Variants in DCDC2 observed in about 807,000 individuals in gnomAD.
DCDC2 encodes the protein doublecortin domain-containing protein 2.
In DCDC2, 40 loss-of-function variants were observed where a neutral mutation model predicts 50.2. The observed-to-expected ratio is 0.80, with a 90% CI of 0.62 to 1.04. DCDC2 has a LOEUF of 1.04. Ranked by LOEUF, DCDC2 falls within the 50% of genes least tolerant of loss-of-function variation. The pLI is 0.00. For synonymous variants in DCDC2, 234 were observed against 210.6 expected, an observed-to-expected ratio of 1.11 and a Z score of -0.96; for missense variants, 570 against 581.9, an observed-to-expected ratio of 0.98 and a Z score of 0.21.
At chr6:24,212,763 T>C (rs1048534016) in intron 7 of DCDC2, among the ~76,000 whole-genome samples, 1 of 152,166 alleles carries the variant, frequency 6.6e-6, no homozygotes, top group African/African-American at 2.4e-5. Context: ...TAACAAACAC[T>C]CTAGTAAAAA....
In DCDC2 at chr6:24,316,992, TAG is replaced by T. The variant is rs71789198; in HGVS notation, c.349-14950_349-14949del. Among the ~76,000 whole-genome samples, 326 of 148,882 alleles carry T rather than the reference TAG, an allele frequency of 2.2e-3. 3 individuals carry two copies. Among genetic ancestry groups the T allele is most frequent in the South Asian group, 8.4e-4 (4 of 4,748 alleles). On this transcript the variant is annotated intron_variant, in intron 2 of 9. Transcript: ENST00000378454. Reference sequence around the variant, plus strand: ...ACATATGTGTATATACATATATATGTAGAGAGAGAGAGAGAGAGACAAATTTG... The same window carrying T: ...ACATATGTGTATATACATATATATGTAGAGAGAGAGAGAGAGACAAATTTG...
intron 7 of DCDC2, among the ~76,000 whole-genome samples, chr6:24,244,477 C>G (rs1762629236): frequency 6.6e-6 from 1 of 152,200 alleles, no homozygotes; most frequent in Non-Finnish European, 1.5e-5. Flanking sequence ...CCTCTGGGGC[C>G]TAAGACTCTC....
chr6:24,179,982 G>T (rs1383331170), intron 8 of DCDC2, among the ~76,000 whole-genome samples: 5 of 146,214 alleles, frequency 3.4e-5, no homozygotes, highest in Admixed American at 3.4e-4. Flanking sequence ...CAAGGGGTGG[G>T]GGAGGGAACA....
intron 7 of DCDC2, among the ~76,000 whole-genome samples, chr6:24,207,345 TATA>T (rs1490338521): frequency 6.6e-6 from 1 of 151,410 alleles, no homozygotes; most frequent in Non-Finnish European, 1.5e-5. Context: ...TTATTGTACA[TATA>T]ATTTTTAAAA....
chr6:24,295,673 C>A (rs142702531), intron 4 of DCDC2, among the ~76,000 whole-genome samples: 48 of 152,216 alleles, frequency 3.2e-4, no homozygotes, highest in African/African-American at 1.1e-3. Context: ...TCCTATACTC[C>A]AACAACACCC....
chr6:24,338,377 T>C (rs950167393), intron 2 of DCDC2, among the ~76,000 whole-genome samples: 3 of 152,164 alleles, frequency 2.0e-5, no homozygotes, highest in Non-Finnish European at 2.9e-5. Context: ...CTGTATTCCC[T>C]GTCTTCACGA....
At chr6:24,301,603 G>A in intron 4 of DCDC2, 112 bp downstream of exon 4, 4 of 1,229,784 alleles carry the variant, frequency 3.3e-6, no homozygotes, top group East Asian at 4.7e-5. Flanking sequence ...AGGCATACGG[G>A]GCCTAACTGG....
intron 7 of DCDC2, among the ~76,000 whole-genome samples, chr6:24,215,252 T>C (rs1761949847): frequency 6.6e-6 from 1 of 152,192 alleles, no homozygotes; most frequent in Non-Finnish European, 1.5e-5. Flanking sequence ...CTTGGAGGCA[T>C]TGCAGGTTGT....
At chr6:24,356,585 A>G (rs1760471705) in intron 1 of DCDC2, among the ~76,000 whole-genome samples, 1 of 152,164 alleles carries the variant, frequency 6.6e-6, no homozygotes, top group South Asian at 2.1e-4. Context: ...GTAAAATTCT[A>G]CCTGTCCTAT....
At chr6:24,226,820 C>T (rs1321502547) in intron 7 of DCDC2, among the ~76,000 whole-genome samples, 2 of 152,142 alleles carry the variant, frequency 1.3e-5, no homozygotes, top group Admixed American at 1.3e-4. Context: ...AGGTTTCTCA[C>T]TTAGGCATCT....
At chr6:24,233,245 G>T (rs1044794966) in intron 7 of DCDC2, among the ~76,000 whole-genome samples, 1 of 152,106 alleles carries the variant, frequency 6.6e-6, no homozygotes, top group Non-Finnish European at 1.5e-5. Flanking sequence ...ATCAAAGGAG[G>T]CTCTGTTTCT....
At chr6:24,264,234 C>T (rs1361457164) in intron 7 of DCDC2, among the ~76,000 whole-genome samples, 1 of 152,114 alleles carries the variant, frequency 6.6e-6, no homozygotes, top group African/African-American at 2.4e-5. Context: ...AAATGCTAAA[C>T]GTAGTTCTTC....
At position 24,317,906 on chromosome 6, in the gene DCDC2, C is replaced by T. The variant is rs566854580; in HGVS notation, c.349-15862G>A. ...GATCTTTACACATATAAAAAATGTTCGAACTTGTAACTAGAGAAATGCAAA... is the reference window on the plus strand; with the variant it reads ...GATCTTTACACATATAAAAAATGTTTGAACTTGTAACTAGAGAAATGCAAA... On this transcript the variant is annotated intron_variant, in intron 2 of 9. Coordinates refer to ENST00000378454, the MANE Select transcript of DCDC2 (RefSeq NM_016356.5). Among the ~76,000 whole-genome samples the T allele has an allele frequency of 3.3e-5, 5 of 151,758 alleles. No individual in the cohort carries two copies. In the East Asian group the frequency reaches 5.8e-4, roughly 18 times the overall value.
rs190783738 is a variant in DCDC2, at chr6:24,281,199, A to G, written c.760-2988T>C. 7.2e-5 allele frequency among the ~76,000 whole-genome samples: 11 copies of G among 152,344 alleles called. No individual in the cohort carries two copies. The South Asian group carries it at 8.3e-4, about 11-fold the overall frequency. ...AAGACTAATTGATTCAAATCACTAC[A>G]TAATGCATAGATTTTGCAGTTGACA... On this transcript the variant is annotated intron_variant, in intron 6 of 9. Coordinates refer to ENST00000378454, the MANE Select transcript of DCDC2 (RefSeq NM_016356.5).
At chr6:24,205,446 C>T in intron 7 of DCDC2, 1 of 1,052,858 alleles carries the variant, frequency 9.5e-7, no homozygotes, top group Non-Finnish European at 1.3e-6. Flanking sequence ...CCCTCCTATT[C>T]ACAAAACAGT....
At chr6:24,309,385 C>A (rs1175541556) in intron 2 of DCDC2, among the ~76,000 whole-genome samples, 1 of 151,252 alleles carries the variant, frequency 6.6e-6, no homozygotes. Context: ...AATGATGATT[C>A]ATGAGATTGG....
chr6:24,259,435 C>A (rs1341266642), intron 7 of DCDC2, among the ~76,000 whole-genome samples: 1 of 152,028 alleles, frequency 6.6e-6, no homozygotes, highest in Non-Finnish European at 1.5e-5. Context: ...GAGTGCATGG[C>A]CACTTTTAAG....
intron 2 of DCDC2, among the ~76,000 whole-genome samples, chr6:24,325,268 G>A (rs761416641): frequency 1.3e-5 from 2 of 149,602 alleles, no homozygotes; most frequent in African/African-American, 2.4e-5. Context: ...TCTGTGATCC[G>A]TTTTTATGTT....
chr6:24,357,626 G>T lies in DCDC2; in HGVS notation c.125C>A (p.Ser42Tyr). 6.2e-7 allele frequency: 1 copy of T among 1,613,500 alleles called. No individual in the cohort carries two copies. Among genetic ancestry groups the T allele is most frequent in the Non-Finnish European group, 8.5e-7 (1 of 1,180,050 alleles). ...RRVVIHEKKV[S>Y]SFEVFLKEVT... ...CTCCTTCAGGAAGACTTCGAAGCTG[G>T]ACACCTTCTTCTCATGGATGACGAC... Residue 42 changes from serine (S) to tyrosine (Y), a missense_variant, in exon 1 of 10, where the codon TCC becomes TAC. Coordinates refer to ENST00000378454, the MANE Select transcript of DCDC2 (RefSeq NM_016356.5).
Sources: allele counts gnomAD v4.1 joint callset (sites outside exome capture counted in the v4.1 genomes callset), GRCh38; gene constraint gnomAD v4.1.1; transcripts MANE v1.5; gene names NCBI Gene and HGNC (gene_info 2026-07-23, HGNC 2026-07-21).